Variants in NFATC1 observed in about 807,000 individuals in gnomAD.
NFATC1 encodes nuclear factor of activated T-cells, cytoplasmic 1.
NFATC1 carries 22 observed loss-of-function variants against 76.0 expected under a neutral mutation model. That is an observed-to-expected ratio of 0.29 (90% CI 0.21 to 0.41). NFATC1 has a LOEUF of 0.41. NFATC1 is among the 10% of genes least tolerant of loss of function. The probability of loss-of-function intolerance (pLI) is 1.00; values close to 1 mark genes in which losing one functional copy is unlikely to be tolerated. For missense variants in NFATC1, 1,357 were observed against 1,337.7 expected (o/e 1.01, Z -0.23); for synonymous variants, 704 against 613.1 (o/e 1.15, Z -2.19).
intron 9 of NFATC1, among the ~76,000 whole-genome samples, chr18:79,492,734 C>T (rs998580329): frequency 7.5e-6 from 1 of 133,430 alleles, no homozygotes; most frequent in East Asian, 2.2e-4. Flanking sequence ...ATTAGCTGGG[C>T]GTGGTGGTGC....
rs999011130 is a variant in NFATC1, at chr18:79,461,321, T to C, written c.1914T>C (p.His638=). 6.5e-7 allele frequency: 1 copy of C among 1,533,416 alleles called. No individual in the cohort carries two copies. The highest frequency in any genetic ancestry group is 8.7e-7 in the Non-Finnish European group (1 of 1,150,676). The allele number at this position is 1,533,416 out of a possible 1,614,324, so 95.0% of individuals were successfully genotyped here. A position where few individuals can be genotyped will look rare whatever the true frequency, so the allele number is the denominator to read the frequency against. ...IFVEKAPDGH[H]VWEMEAKTDR... ...GCTCCTTTCTTCCAGATGGCCACCA[T>C]GTCTGGGAGATGGAAGCGAAAACTG... Residue 638 remains histidine, a synonymous_variant, in exon 7 of 10, where the codon CAT becomes CAC. Coordinates refer to ENST00000427363, the MANE Select transcript of NFATC1 (RefSeq NM_001278669.2).
At chr18:79,507,597 T>G (rs985638468) in intron 9 of NFATC1, among the ~76,000 whole-genome samples, 36 of 152,324 alleles carry the variant, frequency 2.4e-4, no homozygotes, top group South Asian at 2.1e-4. Context: ...TCCCTGGCAG[T>G]GTCTCAGCAG....
chr18:79,470,516 G>A lies in NFATC1; in HGVS notation c.2092+2934G>A, dbSNP rs140993333. ...GTTTGTAAAGTCAAGTCTCATTGTA[G>A]GTTTTCCTTCAAAATTGCCATCCCC... On this transcript the variant is annotated intron_variant, in intron 8 of 9. Transcript: ENST00000427363. 5 of 152,308 alleles carry A rather than the reference G, an allele frequency of 3.3e-5. No individual in the cohort carries two copies. In the East Asian group the frequency reaches 9.7e-4, roughly 29 times the overall value. 9.4% of individuals were successfully genotyped at this position (152,308 alleles called of 1,614,324 possible).
chr18:79,406,463 C>T (rs537276456), intron 1 of NFATC1, among the ~76,000 whole-genome samples: 37 of 152,204 alleles, frequency 2.4e-4, no homozygotes, highest in Middle Eastern at 3.4e-3. Context: ...ATCGTGTTCC[C>T]TCAGTTCCGC....
At chr18:79,469,345 G>A (rs2088679424) in intron 8 of NFATC1, 2 of 985,348 alleles carry the variant, frequency 2.0e-6, no homozygotes, top group African/African-American at 1.7e-5. Context: ...CCCACCGTGG[G>A]TTTGAGCAGC....
intron 9 of NFATC1, among the ~76,000 whole-genome samples, chr18:79,513,343 G>C (rs898275265): frequency 1.1e-4 from 16 of 152,306 alleles, no homozygotes; most frequent in Middle Eastern, 3.4e-3. Context: ...TCCCGGGTCA[G>C]CACACGGCTT....
intron 8 of NFATC1, among the ~76,000 whole-genome samples, chr18:79,475,617 T>C (rs1411188085): frequency 6.6e-6 from 1 of 151,222 alleles, no homozygotes; most frequent in Admixed American, 6.6e-5. Context: ...GTCGACGTTG[T>C]GAGGGAAGCG....
intron 3 of NFATC1, among the ~76,000 whole-genome samples, chr18:79,440,517 G>A (rs952620617): frequency 6.6e-6 from 1 of 152,228 alleles, no homozygotes; most frequent in African/African-American, 2.4e-5. Flanking sequence ...CTGAGCAATG[G>A]GCCCTGCTTC....
At chr18:79,454,289 C>A (rs922157193) in intron 6 of NFATC1, among the ~76,000 whole-genome samples, 7 of 152,226 alleles carry the variant, frequency 4.6e-5, no homozygotes, top group Non-Finnish European at 8.8e-5. Flanking sequence ...CTGTCCTTCT[C>A]TGGAGTACGT....
intron 9 of NFATC1, among the ~76,000 whole-genome samples, chr18:79,494,824 AGCGGGC>A (rs2089826303): frequency 9.5e-6 from 1 of 105,662 alleles, no homozygotes; most frequent in Non-Finnish European, 1.9e-5. Flanking sequence ...GGAAGGCGAG[AGCGGGC>A]ACACGCCCCC....
chr18:79,411,547 G>A (rs772912940), intron 2 of NFATC1, 46 bp downstream of exon 2: 51 of 1,321,560 alleles, frequency 3.9e-5, no homozygotes, highest in Admixed American at 2.3e-4. Context: ...GGGGAGGCGC[G>A]GGGCGGGGCG....
At chr18:79,436,855 T>A (rs557017178) in intron 3 of NFATC1, among the ~76,000 whole-genome samples, 83 of 151,944 alleles carry the variant, frequency 5.5e-4, no homozygotes, top group Non-Finnish European at 9.9e-4. Context: ...CAGTGAGCAC[T>A]GAGCGTGCCC....
intron 7 of NFATC1, among the ~76,000 whole-genome samples, chr18:79,461,835 C>T (rs1048009395): frequency 6.6e-6 from 1 of 152,222 alleles, no homozygotes; most frequent in African/African-American, 2.4e-5. Flanking sequence ...CTGCGGCATC[C>T]CCAGTGGGGA....
chr18:79,461,029 A>C (rs1349607811), intron 6 of NFATC1, among the ~76,000 whole-genome samples: 1 of 152,206 alleles, frequency 6.6e-6, no homozygotes, highest in Non-Finnish European at 1.5e-5. Flanking sequence ...CCTGCCCTGT[A>C]GTCCCTCCTA....
At chr18:79,484,197 T>C (rs2089428936) in intron 8 of NFATC1, among the ~76,000 whole-genome samples, 1 of 152,078 alleles carries the variant, frequency 6.6e-6, no homozygotes, top group South Asian at 2.1e-4. Context: ...TCCTCCAAGC[T>C]TCACAGCTTG....
intron 1 of NFATC1, among the ~76,000 whole-genome samples, chr18:79,402,760 C>G (rs1037704866): frequency 6.6e-6 from 1 of 152,224 alleles, no homozygotes; most frequent in Non-Finnish European, 1.5e-5. Context: ...GTGCTGTTTT[C>G]TCCTTTCTTT....
intron 9 of NFATC1, among the ~76,000 whole-genome samples, chr18:79,504,084 C>T (rs768382713): frequency 5.9e-5 from 9 of 152,212 alleles, no homozygotes; most frequent in Non-Finnish European, 8.8e-5. Context: ...CGGACTTTCT[C>T]TGTATCAGCA....
intron 3 of NFATC1, among the ~76,000 whole-genome samples, chr18:79,445,951 C>T (rs890646318): frequency 6.6e-6 from 1 of 152,200 alleles, no homozygotes; most frequent in African/African-American, 2.4e-5. Context: ...GAGGTCAGCA[C>T]AGGAGCTAAA....
chr18:79,400,366 C>CTG, intron 1 of NFATC1: 3 of 1,403,580 alleles, frequency 2.1e-6, no homozygotes, highest in Non-Finnish European at 1.9e-6. Context: ...ACCCCGGCTC[C>CTG]CGCCCCGGCC....
Sources: allele counts gnomAD v4.1 joint callset (sites outside exome capture counted in the v4.1 genomes callset), GRCh38; gene constraint gnomAD v4.1.1; transcripts MANE v1.5; gene names NCBI Gene and HGNC (gene_info 2026-07-23, HGNC 2026-07-21).